GHR: variants seen among roughly 807,000 people sequenced by gnomAD.
GHR encodes growth hormone receptor, also known as GH receptor.
Under a neutral mutation model 67.1 loss-of-function variants are expected in GHR, and 35 were observed. The observed-to-expected ratio is 0.52, with a 90% CI of 0.40 to 0.69. GHR has a LOEUF of 0.69. GHR is among the 30% of genes least tolerant of loss of function. GHR has a pLI of 0.00. For synonymous variants in GHR, 272 were observed against 269.1 expected (o/e 1.01, Z -0.10); for missense variants, 792 against 764.6 (o/e 1.04, Z -0.42).
At chr5:42,581,863 C>T (rs558974896) in intron 2 of GHR, among the ~76,000 whole-genome samples, 1 of 152,190 alleles carries the variant, frequency 6.6e-6, no homozygotes, top group Non-Finnish European at 1.5e-5. Context: ...CCCGTGCTCT[C>T]GGGGGCCCAG....
Position 42,481,213 on chromosome 5 carries a change from G to C in GHR, c.-12+57258G>C, listed in dbSNP as rs1408069450. Among the ~76,000 whole-genome samples, 3 of 152,164 alleles carry C rather than the reference G, an allele frequency of 2.0e-5. No individual in the cohort carries two copies. The East Asian group carries it at 5.8e-4, about 29-fold the overall frequency. ...TTTTCTTTAAGAATGTTGAATATTG[G>C]CCCCCACTCTCTTCTGGCTTGTAGA... On this transcript the variant is annotated intron_variant, in intron 1 of 9. Transcript: ENST00000230882.
chr5:42,443,077 G>T (rs750067186), intron 1 of GHR, among the ~76,000 whole-genome samples: 1 of 152,270 alleles, frequency 6.6e-6, no homozygotes, highest in African/African-American at 2.4e-5. Context: ...GGCTCACTTG[G>T]CATGAGGTAA....
chr5:42,574,413 C>T (rs543339879), intron 2 of GHR, among the ~76,000 whole-genome samples: 5 of 152,370 alleles, frequency 3.3e-5, no homozygotes, highest in African/African-American at 9.6e-5. Flanking sequence ...CTCTGAACTT[C>T]GTAAGCACGG....
rs1461663006 is a variant in GHR, at chr5:42,576,098, AT to A, written c.70+10155del. 9.2e-3 allele frequency among the ~76,000 whole-genome samples: 733 copies of A among 79,788 alleles called. 12 individuals carry two copies. The highest frequency in any genetic ancestry group is 0.024 in the African/African-American group (532 of 22,334). 52.3% of individuals were successfully genotyped at this position (79,788 alleles called of 152,430 possible). Reference sequence around the variant, plus strand: ...ATAAAATAAAATAAAATAAAATAAAATAAATAAAATAAAATAAAATAAAATA... The same window carrying A: ...ATAAAATAAAATAAAATAAAATAAAAAAATAAAATAAAATAAAATAAAATA... On this transcript the variant is annotated intron_variant, in intron 2 of 9. Coordinates refer to ENST00000230882, the MANE Select transcript of GHR (RefSeq NM_000163.5).
chr5:42,569,468 T>C (rs1047068974), intron 2 of GHR, among the ~76,000 whole-genome samples: 1 of 152,124 alleles, frequency 6.6e-6, no homozygotes, highest in Non-Finnish European at 1.5e-5. Context: ...AGGCAAGACT[T>C]GCTGGGCCCT....
Position 42,547,267 on chromosome 5 carries a change from C to A in GHR, c.-11-18597C>A, listed in dbSNP as rs149725434. On this transcript the variant is annotated intron_variant, in intron 1 of 9. Transcript: ENST00000230882. ...GGAGTCTTGTAACCAGCTAAAGGCCCAGCTAATTCTTGAAGCAGTCATAAA... is the reference window on the plus strand; with the variant it reads ...GGAGTCTTGTAACCAGCTAAAGGCCAAGCTAATTCTTGAAGCAGTCATAAA... Among the ~76,000 whole-genome samples, 3 of 152,272 alleles carry A rather than the reference C, an allele frequency of 2.0e-5. No homozygotes were observed. In the East Asian group the frequency reaches 5.8e-4, roughly 29 times the overall value.
chr5:42,661,607 C>A (rs1755629305), intron 3 of GHR, among the ~76,000 whole-genome samples: 1 of 152,152 alleles, frequency 6.6e-6, no homozygotes, highest in South Asian at 2.1e-4. Flanking sequence ...GAAGGAAGCA[C>A]TAAACATGGA....
intron 1 of GHR, among the ~76,000 whole-genome samples, chr5:42,474,295 G>GAGAGAAAGAAAGAAAGAAAGAA (rs1745163031): frequency 2.5e-5 from 2 of 81,070 alleles, no homozygotes; most frequent in East Asian, 5.8e-4. Context: ...AAAAGAGAAA[G>GAGAGAAAGAAAGAAAGAAAGAA]AGAAAGAAAG....
intron 1 of GHR, among the ~76,000 whole-genome samples, chr5:42,563,624 CAAAAAAAAAAAAAAA>C (rs1168788232): frequency 6.7e-5 from 3 of 45,096 alleles, no homozygotes; most frequent in South Asian, 9.6e-4. Flanking sequence ...GACTCCGTCT[CAAAAAAAAAAAAAAA>C]AAAAAAAAAA....
chr5:42,428,908 A>G (rs1035794409), intron 1 of GHR, among the ~76,000 whole-genome samples: 8 of 152,192 alleles, frequency 5.3e-5, no homozygotes, highest in Non-Finnish European at 1.2e-4. Flanking sequence ...GTCTCTAGAA[A>G]GTTCCAAACT....
intron 1 of GHR, among the ~76,000 whole-genome samples, chr5:42,520,413 G>A (rs772724408): frequency 5.3e-5 from 8 of 152,226 alleles, no homozygotes; most frequent in Non-Finnish European, 7.4e-5. Flanking sequence ...GATCTCATGG[G>A]GACAGGCAGT....
chr5:42,544,152 A>G (rs1246105884), intron 1 of GHR, among the ~76,000 whole-genome samples: 3 of 152,152 alleles, frequency 2.0e-5, no homozygotes, highest in African/African-American at 2.4e-5. Context: ...TTGTCCTCCT[A>G]TGCCCTCATC....
At chr5:42,628,096 C>T (rs1307709252) in intron 2 of GHR, among the ~76,000 whole-genome samples, 2 of 152,156 alleles carry the variant, frequency 1.3e-5, no homozygotes, top group Non-Finnish European at 2.9e-5. Context: ...AGATGTTCCT[C>T]TTCCCTCTCT....
chr5:42,478,867 A>G (rs555787196), intron 1 of GHR, among the ~76,000 whole-genome samples: 2 of 152,188 alleles, frequency 1.3e-5, no homozygotes, highest in African/African-American at 4.8e-5. Flanking sequence ...CTAATTGAAT[A>G]CCCTTTATTT....
chr5:42,470,483 T>G (rs2940918), intron 1 of GHR, among the ~76,000 whole-genome samples: 33,086 of 151,956 alleles, frequency 0.22, 3,936 homozygotes, highest in African/African-American at 0.29. Flanking sequence ...GAATCTTGGG[T>G]TATCATTTCA....
At chr5:42,674,459 T>TAC (rs1756471735) in intron 3 of GHR, among the ~76,000 whole-genome samples, 1 of 152,122 alleles carries the variant, frequency 6.6e-6, no homozygotes, top group African/African-American at 2.4e-5. Flanking sequence ...TCTAGAACAT[T>TAC]TTCATTACTT....
chr5:42,502,646 A>G (rs182684601), intron 1 of GHR, among the ~76,000 whole-genome samples: 90 of 152,060 alleles, frequency 5.9e-4, no homozygotes, highest in African/African-American at 2.1e-3. Flanking sequence ...ATCTCCATCT[A>G]GTTTATAATT....
chr5:42,520,601 A>G (rs1747430568), intron 1 of GHR, among the ~76,000 whole-genome samples: 1 of 152,208 alleles, frequency 6.6e-6, no homozygotes, highest in African/African-American at 2.4e-5. Context: ...ATTGTGTTTA[A>G]GACCCTAAGA....
At chr5:42,592,516 G>A (rs1442996407) in intron 2 of GHR, among the ~76,000 whole-genome samples, 1 of 152,228 alleles carries the variant, frequency 6.6e-6, no homozygotes, top group African/African-American at 2.4e-5. Context: ...AACACGCAGT[G>A]TTTAGTTTTC....
Sources: gnomAD v4.1 joint callset for allele counts (sites outside exome capture counted in the v4.1 genomes callset) on GRCh38, gnomAD v4.1.1 for gene constraint, MANE v1.5 for transcripts, NCBI Gene and HGNC (gene_info 2026-07-23, HGNC 2026-07-21) for gene names.